The following CCDC138 variants were observed in gnomAD, a reference collection of about 807,000 sequenced individuals.
CCDC138 encodes coiled-coil domain containing 138.
In CCDC138, 66 loss-of-function variants were observed where a neutral mutation model predicts 82.3. That is an observed-to-expected ratio of 0.80 (90% CI 0.66 to 0.98). The LOEUF (loss-of-function observed/expected upper bound fraction) is 0.98. Ranked by LOEUF, CCDC138 falls within the 50% of genes least tolerant of loss-of-function variation. CCDC138 has a pLI of 0.00. For synonymous variants in CCDC138, 297 were observed against 265.4 expected (o/e 1.12, Z -1.16); for missense variants, 816 against 758.9 (o/e 1.08, Z -0.88).
At chr2:108,877,126 A>G (rs757467247), downstream of CCDC138, among the ~76,000 whole-genome samples, 3 of 152,222 alleles carry the variant, frequency 2.0e-5, no homozygotes, top group Non-Finnish European at 2.9e-5. Context: ...ACAGAAAGCC[A>G]TAATGAAAGA....
chr2:108,868,975 A>G (rs1694842018), intron 13 of CCDC138, among the ~76,000 whole-genome samples: 1 of 152,184 alleles, frequency 6.6e-6, no homozygotes, highest in African/African-American at 2.4e-5. Context: ...CAGCTGAATT[A>G]ACACAGACTA....
At chr2:108,815,303 T>G (rs1460604239) in intron 9 of CCDC138, among the ~76,000 whole-genome samples, 1 of 152,036 alleles carries the variant, frequency 6.6e-6, no homozygotes, top group Non-Finnish European at 1.5e-5. Context: ...CTAATTTTAC[T>G]TTTTTTCCAT....
chr2:108,804,878 TC>T lies in CCDC138; in HGVS notation c.736-10del. The T allele has an allele frequency of 1.4e-4, 207 of 1,502,862 alleles. No individual in the cohort carries two copies. The highest frequency in any genetic ancestry group is 1.3e-3 in the South Asian group (91 of 70,850). The allele number at this position is 1,502,862 out of a possible 1,614,324, so 93.1% of individuals were successfully genotyped here. ...AAGTTTTAGATGAGAGTTTTTTTTT[TC>T]TCCTCCTAGCAGCATGATGCAGAAG... On this transcript the variant is annotated splice_polypyrimidine_tract_variant and intron_variant, in intron 6 of 14. Coordinates refer to ENST00000295124, the MANE Select transcript of CCDC138 (RefSeq NM_144978.3).
At chr2:108,815,170 A>G (rs1684546267) in intron 9 of CCDC138, among the ~76,000 whole-genome samples, 3 of 152,178 alleles carry the variant, frequency 2.0e-5, no homozygotes, top group Non-Finnish European at 4.4e-5. Flanking sequence ...TACTGGAAAG[A>G]CAAAGTAACA....
At chr2:108,843,814 T>G (rs1224369534) in intron 11 of CCDC138, among the ~76,000 whole-genome samples, 1 of 150,184 alleles carries the variant, frequency 6.7e-6, no homozygotes, top group Non-Finnish European at 1.5e-5. Context: ...TCCAGGAAGT[T>G]TTCAGTCATT....
intron 7 of CCDC138, among the ~76,000 whole-genome samples, chr2:108,805,661 A>G (rs763669679): frequency 4.3e-4 from 66 of 152,000 alleles, no homozygotes; most frequent in Non-Finnish European, 8.8e-4. Flanking sequence ...CAGGAGGCGG[A>G]GCTTGCAGTG....
At chr2:108,882,762 T>G (rs1291163130) in exon 2 of CCDC138, 1 of 152,262 alleles carries the variant, frequency 6.6e-6, no homozygotes, top group Non-Finnish European at 1.5e-5. Context: ...TTGAAATTCT[T>G]GAAATCCTAA....
rs1388824159 is a variant in CCDC138 at position 108,789,028 on chromosome 2, GA to G, written c.266+66del. On this transcript the variant is annotated intron_variant, in intron 3 of 14. Transcript: ENST00000295124. ...CAGTATCTCAAAAAACTGAGAAAGA[GA>G]AAAGGGCAGGTTATATTTTTGCTCT... 3 of 1,569,600 alleles carry G rather than the reference GA, an allele frequency of 1.9e-6. No individual in the cohort carries two copies. The African/African-American group carries it at 4.1e-5, about 21-fold the overall frequency.
At chr2:108,794,466 C>T in intron 4 of CCDC138, 74 bp from the exon 5 acceptor site, 9 of 1,338,682 alleles carry the variant, frequency 6.7e-6, no homozygotes, top group Admixed American at 4.6e-5. Context: ...GCATCTCTTC[C>T]TAAAGGTTAC....
At chr2:108,798,611 G>C (rs771928542) in intron 6 of CCDC138, 25 bp downstream of exon 6, 70 of 1,523,882 alleles carry the variant, frequency 4.6e-5, no homozygotes, top group Non-Finnish European at 5.9e-5. Flanking sequence ...TTTGATTTTA[G>C]AGTGGTATAT....
chr2:108,832,373 G>A (rs1305878831), intron 10 of CCDC138, among the ~76,000 whole-genome samples: 1 of 133,264 alleles, frequency 7.5e-6, no homozygotes, highest in African/African-American at 2.9e-5. Context: ...TTGAGACAGA[G>A]TTTCACTCTT....
chr2:108,792,400 G>C (rs1045086590), intron 4 of CCDC138, among the ~76,000 whole-genome samples: 2 of 152,158 alleles, frequency 1.3e-5, no homozygotes, highest in African/African-American at 2.4e-5. Flanking sequence ...CCTGCTATAT[G>C]GTCGATTTTC....
intron 3 of CCDC138, chr2:108,791,472 A>G (rs1679891346): frequency 1.7e-6 from 1 of 585,790 alleles, no homozygotes; most frequent in Non-Finnish European, 3.1e-6. Flanking sequence ...TAATGTGTAG[A>G]AAAAGATGCT....
intron 9 of CCDC138, among the ~76,000 whole-genome samples, chr2:108,814,506 G>T (rs1399412764): frequency 1.3e-5 from 2 of 151,914 alleles, no homozygotes; most frequent in Non-Finnish European, 2.9e-5. Context: ...GTGAAAAATT[G>T]CTCTTCAGAA....
downstream of CCDC138, among the ~76,000 whole-genome samples, chr2:108,880,588 G>A (rs905246040): frequency 2.0e-5 from 3 of 152,162 alleles, no homozygotes; most frequent in African/African-American, 7.2e-5. Context: ...TGAAGGCAAT[G>A]CTCATTTGCC....
At position 108,856,906 on chromosome 2, in the gene CCDC138, AATATC is replaced by A; in HGVS notation, c.1630_1634del (p.Ile544GlnfsTer2). 6.2e-7 allele frequency: 1 copy of A among 1,613,346 alleles called. No individual in the cohort carries two copies. The highest frequency in any genetic ancestry group is 1.7e-5 in the Admixed American group (1 of 59,946). On this transcript the variant is annotated frameshift_variant, in exon 13 of 15. Transcript: ENST00000295124. LOFTEE classifies it high-confidence loss of function. ...TTCCAGTAATATTAAGTCATCTAAG[AATATC>A]CAGTAAAGGACTCCTGTCTAATGTT...
At chr2:108,819,380 C>T (rs941030272) in intron 10 of CCDC138, among the ~76,000 whole-genome samples, 1 of 152,152 alleles carries the variant, frequency 6.6e-6, no homozygotes, top group African/African-American at 2.4e-5. Context: ...AATATTTTGG[C>T]TTATCCAAAG....
chr2:108,865,070 C>G (rs565910665), intron 13 of CCDC138, among the ~76,000 whole-genome samples: 1 of 152,238 alleles, frequency 6.6e-6, no homozygotes, highest in South Asian at 2.1e-4. Flanking sequence ...CAACTGCAGA[C>G]ACACACACAA....
chr2:108,868,154 A>G (rs1471441594), intron 13 of CCDC138, among the ~76,000 whole-genome samples: 8 of 152,248 alleles, frequency 5.3e-5, no homozygotes. Context: ...TGGCAGATAA[A>G]TAATTACCTT....
Sources: gnomAD v4.1 joint callset for allele counts (sites outside exome capture counted in the v4.1 genomes callset) on GRCh38, gnomAD v4.1.1 for gene constraint, MANE v1.5 for transcripts, NCBI Gene and HGNC (gene_info 2026-07-23, HGNC 2026-07-21) for gene names.